The following LEPR variants were observed in gnomAD, a reference collection of about 807,000 sequenced individuals.
The protein encoded by LEPR is OB receptor.
Under a neutral mutation model 114.7 loss-of-function variants are expected in LEPR, and 56 were observed. That is an observed-to-expected ratio of 0.49 (90% CI 0.39 to 0.61). The LOEUF (loss-of-function observed/expected upper bound fraction) is 0.61, where lower values mean the gene tolerates loss of function less well. Ranked by LOEUF, LEPR falls within the 20% of genes least tolerant of loss-of-function variation. The pLI is 0.00. For synonymous variants in LEPR, 443 were observed against 461.4 expected, an observed-to-expected ratio of 0.96 and a Z score of 0.51; for missense variants, 1,202 against 1,352.9, an observed-to-expected ratio of 0.89 and a Z score of 1.75.
intron 2 of LEPR, chr1:65,435,578 A>G (rs1646551151): frequency 5.6e-6 from 3 of 539,262 alleles, no homozygotes; most frequent in Non-Finnish European, 7.1e-6. Context: ...CGTGTTAGCC[A>G]GGATGGTCTC....
At chr1:65,551,078 G>T (rs1652307140) in intron 2 of LEPR, among the ~76,000 whole-genome samples, 2 of 152,068 alleles carry the variant, frequency 1.3e-5, no homozygotes, top group African/African-American at 2.4e-5. Flanking sequence ...ACTTCATCGT[G>T]GTGGATGAGC....
rs1646775571 is a variant in LEPR at position 65,450,847 on chromosome 1, G to A, written c.-21+25469G>A. 2.0e-5 allele frequency among the ~76,000 whole-genome samples: 3 copies of A among 151,338 alleles called. No individual in the cohort carries two copies. In the South Asian group the frequency reaches 6.3e-4, roughly 32 times the overall value. On this transcript the variant is annotated intron_variant, in intron 2 of 19. Transcript: ENST00000349533. ...TCTAGTTCTAGATCCCTGAGGAATCGCCACACTGACTTCCACAATGGTTGA... is the reference window on the plus strand; with the variant it reads ...TCTAGTTCTAGATCCCTGAGGAATCACCACACTGACTTCCACAATGGTTGA...
At chr1:65,523,208 T>G (rs1463790595) in intron 2 of LEPR, among the ~76,000 whole-genome samples, 5 of 152,238 alleles carry the variant, frequency 3.3e-5, no homozygotes, top group African/African-American at 1.2e-4. Context: ...AAGTATTGCC[T>G]GAAACTCAAA....
chr1:65,553,119 C>T (rs1652532826), intron 2 of LEPR, among the ~76,000 whole-genome samples: 2 of 152,180 alleles, frequency 1.3e-5, no homozygotes, highest in Admixed American at 1.3e-4. Context: ...TTGTGGGTAA[C>T]TTGACCTTTC....
At chr1:65,487,996 C>T (rs1293810636) in intron 2 of LEPR, among the ~76,000 whole-genome samples, 52 of 138,028 alleles carry the variant, frequency 3.8e-4, no homozygotes, top group African/African-American at 1.4e-3. Context: ...TTTCATCTTT[C>T]TTTCTTCTCC....
intron 8 of LEPR, among the ~76,000 whole-genome samples, chr1:65,599,865 A>G (rs906027262): frequency 3.3e-5 from 5 of 152,178 alleles, no homozygotes; most frequent in Non-Finnish European, 7.4e-5. Context: ...TGCAAATTAA[A>G]TATTCAATAT....
At chr1:65,602,874 A>G (rs1215078569) in intron 10 of LEPR, among the ~76,000 whole-genome samples, 1 of 152,168 alleles carries the variant, frequency 6.6e-6, no homozygotes, top group Non-Finnish European at 1.5e-5. Flanking sequence ...ATCCTACCTA[A>G]TATGAGTATT....
intron 2 of LEPR, among the ~76,000 whole-genome samples, chr1:65,507,106 A>T (rs1481306996): frequency 1.3e-5 from 2 of 152,094 alleles, no homozygotes. Context: ...GCTGGAGTGC[A>T]GTGGCGCAAT....
chr1:65,522,942 C>T (rs1287054822), intron 2 of LEPR, among the ~76,000 whole-genome samples: 7 of 151,782 alleles, frequency 4.6e-5, no homozygotes, highest in African/African-American at 1.2e-4. Flanking sequence ...TGTTTTTCAC[C>T]GTAGTAATAA....
intron 2 of LEPR, among the ~76,000 whole-genome samples, chr1:65,494,516 A>G (rs1457433812): frequency 6.6e-6 from 1 of 152,156 alleles, no homozygotes; most frequent in African/African-American, 2.4e-5. Context: ...ACCCCAAAGC[A>G]TCAATTTTTC....
intron 2 of LEPR, among the ~76,000 whole-genome samples, chr1:65,534,543 A>T (rs1462217748): frequency 5.9e-5 from 9 of 152,228 alleles, no homozygotes; most frequent in African/African-American, 2.2e-4. Context: ...CAGAGTGCAA[A>T]CAATAAACTT....
In LEPR at chr1:65,445,550, T is replaced by C. The variant is rs1366667219; in HGVS notation, c.-21+20172T>C. On this transcript the variant is annotated intron_variant, in intron 2 of 19. Coordinates refer to ENST00000349533, the MANE Select transcript of LEPR (RefSeq NM_002303.6). ...TAAAGTCTTTATAACGTGAAGATAA[T>C]GAGTGGATCTGTGCGAAACTCACTA... Among the ~76,000 whole-genome samples the C allele has an allele frequency of 2.6e-5, 4 of 152,216 alleles. No individual in the cohort carries two copies. In the East Asian group the frequency reaches 7.7e-4, roughly 29 times the overall value.
intron 5 of LEPR, among the ~76,000 whole-genome samples, chr1:65,583,668 A>G (rs2100859201): frequency 6.6e-6 from 1 of 152,312 alleles, no homozygotes; most frequent in East Asian, 1.9e-4. Context: ...AAACAATGTA[A>G]TATTCAAAAA....
intron 2 of LEPR, chr1:65,435,787 T>G: frequency 7.2e-6 from 7 of 978,064 alleles, no homozygotes; most frequent in Non-Finnish European, 8.5e-6. Context: ...AAATATTATG[T>G]CTGTAGTAGA....
intron 5 of LEPR, among the ~76,000 whole-genome samples, chr1:65,581,219 A>G (rs1174617285): frequency 1.3e-5 from 2 of 152,066 alleles, no homozygotes; most frequent in Non-Finnish European, 2.9e-5. Flanking sequence ...TATAATCTCC[A>G]TGTCAAGAAT....
At chr1:65,436,775 G>A (rs1257541821) in intron 2 of LEPR, among the ~76,000 whole-genome samples, 2 of 152,156 alleles carry the variant, frequency 1.3e-5, no homozygotes, top group South Asian at 4.1e-4. Flanking sequence ...ACACACTTCG[G>A]AATGAATGAC....
intron 2 of LEPR, chr1:65,432,440 A>G (rs1440248221): frequency 6.0e-6 from 4 of 668,382 alleles, no homozygotes; most frequent in East Asian, 1.3e-4. Flanking sequence ...ATGAGATCCA[A>G]AGGAGTTGTA....
rs1656074335 is a variant in LEPR at position 65,596,508 on chromosome 1, T to G, written c.764T>G (p.Ile255Ser). 1 of 1,612,854 alleles carries G rather than the reference T, an allele frequency of 6.2e-7. No individual in the cohort carries two copies. Among genetic ancestry groups the G allele is most frequent in the African/African-American group, 1.3e-5 (1 of 74,878 alleles). ...MEITDDGNLK[I>S]SWSSPPLVPF... ...ATCACAGATGATGGTAATTTAAAGA[T>G]TTCTTGGTCCAGCCCACCATTGGTA... Residue 255 changes from isoleucine (I) to serine (S), a missense_variant, in exon 7 of 20, where the codon ATT becomes AGT. By Grantham distance (142) the Ile-to-Ser change is moderately radical (BLOSUM62 -2). Transcript: ENST00000349533.
At position 65,633,426 on chromosome 1, in the gene LEPR, A is replaced by G. The variant is rs1658603174; in HGVS notation, c.2674-2765A>G. On this transcript the variant is annotated intron_variant, in intron 19 of 19. Transcript: ENST00000349533. This position sits in a 1 kb window ranked among gnomAD's most constrained non-coding sequence, Gnocchi z 4.1. ...AAATCATCTAAAGTTTAAAAGTAGT[A>G]TTCATGATTTCTGGCTTTTGATTTG... 7.7e-7 allele frequency: 1 copy of G among 1,290,726 alleles called. No homozygotes were observed. Among genetic ancestry groups the G allele is most frequent in the Non-Finnish European group, 9.8e-7 (1 of 1,020,914 alleles). 80.0% of individuals were successfully genotyped at this position (1,290,726 alleles called of 1,614,324 possible).
Sources: gnomAD v4.1 joint callset for allele counts (sites outside exome capture counted in the v4.1 genomes callset) on GRCh38, gnomAD v4.1.1 for gene constraint, Gnocchi (gnomAD v3.1) non-coding constraint, MANE v1.5 for transcripts, NCBI Gene and HGNC (gene_info 2026-07-23, HGNC 2026-07-21) for gene names.